The following DDO variants were observed in gnomAD, a reference collection of about 807,000 sequenced individuals.
DDO encodes D-aspartate oxidase, DDO.
In DDO, 16 loss-of-function variants were observed where a neutral mutation model predicts 16.8. The ratio of observed to expected loss-of-function variants is 0.95; its 90% CI spans 0.65 to 1.45. DDO has a LOEUF of 1.45. Ranked by LOEUF, DDO falls within the 40% of genes most tolerant of loss-of-function variation. The probability of loss-of-function intolerance (pLI) is 0.00; values close to 1 mark genes in which losing one functional copy is unlikely to be tolerated. For missense variants in DDO, 429 were observed against 420.3 expected, an observed-to-expected ratio of 1.02 and a Z score of -0.18; for synonymous variants, 180 against 167.2, an observed-to-expected ratio of 1.08 and a Z score of -0.59.
rs58386482 is a variant in DDO at position 110,412,434 on chromosome 6, C to A, written c.172+857G>T. On this transcript the variant is annotated intron_variant, in intron 2 of 4. Transcript: ENST00000368924. The stretch of plus-strand genomic sequence containing the variant: ...TACTGTTATCAGTGGAAAGACAGAG[C>A]CGCCAATCATGTAGTTGTCAGTACT... 7.4e-4 allele frequency among the ~76,000 whole-genome samples: 113 copies of A among 152,312 alleles called. No individual in the cohort carries two copies. The East Asian group carries it at 0.017, about 22-fold the overall frequency.
intron 4 of DDO, among the ~76,000 whole-genome samples, chr6:110,394,081 T>C (rs1314348894): frequency 6.6e-6 from 1 of 152,054 alleles, no homozygotes; most frequent in African/African-American, 2.4e-5. Flanking sequence ...GCCATCACCA[T>C]CCATATGCAC....
chr6:110,400,351 G>GGA (rs1289385852), intron 4 of DDO, among the ~76,000 whole-genome samples: 2 of 148,836 alleles, frequency 1.3e-5, no homozygotes, highest in African/African-American at 4.9e-5. Flanking sequence ...GCCGGGGCGG[G>GGA]GACTGGCGCC....
At chr6:110,402,789 T>C (rs1190494550) in intron 4 of DDO, among the ~76,000 whole-genome samples, 1 of 152,180 alleles carries the variant, frequency 6.6e-6, no homozygotes, top group Non-Finnish European at 1.5e-5. Context: ...TCTGTGTCCA[T>C]TACCATCCCT....
chr6:110,409,294 G>T (rs1038925893), intron 2 of DDO, among the ~76,000 whole-genome samples: 1 of 152,228 alleles, frequency 6.6e-6, no homozygotes, highest in Non-Finnish European at 1.5e-5. Flanking sequence ...GACAAATCCA[G>T]CTGTGGTTGA....
chr6:110,409,196 G>C (rs542721209), intron 2 of DDO, among the ~76,000 whole-genome samples: 2 of 152,346 alleles, frequency 1.3e-5, no homozygotes, highest in African/African-American at 4.8e-5. Context: ...TGCCAGGCCT[G>C]TTGGGGAGGA....
At position 110,392,924 on chromosome 6, in the gene DDO, G is replaced by C. The variant is rs142527860; in HGVS notation, c.877C>G (p.Arg293Gly). The C allele has an allele frequency of 7.2e-5, 117 of 1,614,212 alleles. No homozygotes were observed. The African/African-American group carries it at 1.4e-3, about 19-fold the overall frequency. The change falls in exon 5 of 5, where the codon CGA becomes GGA. Residue 293 changes from arginine to glycine, a missense_variant. Transcript: ENST00000368924. Reference sequence around the variant, plus strand: ...ACTACAGGCAGCCTCTGTCCATCTCGCGCAAGGAGCTCTGTCTGCAGTCGC... The same window carrying C: ...ACTACAGGCAGCCTCTGTCCATCTCCCGCAAGGAGCTCTGTCTGCAGTCGC... ...GVRLQTELLA[R>G]DGQRLPVVHH...
At chr6:110,403,157 T>C (rs1773536484) in intron 4 of DDO, among the ~76,000 whole-genome samples, 1 of 152,266 alleles carries the variant, frequency 6.6e-6, no homozygotes, top group South Asian at 2.1e-4. Context: ...ATGCATTGTA[T>C]TGAAAGGAAA....
chr6:110,392,257 T>A lies in DDO; in HGVS notation c.*518A>T, dbSNP rs113389133. ...AACCTAAGAAGATCACAGGCAGCTC[T>A]GCAATTGACAGTGATTTAAATGTTT... On this transcript the variant is annotated 3_prime_UTR_variant, in exon 5 of 5. Transcript: ENST00000368924. 1.1e-3 allele frequency: 1,079 copies of A among 985,540 alleles called. 13 individuals are homozygous for A. In the African/African-American group the frequency reaches 0.018, roughly 16 times the overall value. 61.0% of individuals were successfully genotyped at this position (985,540 alleles called of 1,614,324 possible). A position where few individuals can be genotyped will look rare whatever the true frequency, so the allele number is the denominator to read the frequency against.
rs1330045455 is a variant in DDO at position 110,404,827 on chromosome 6, A to G, written c.405T>C (p.Ala135=). The G allele has an allele frequency of 1.2e-6, 2 of 1,614,206 alleles. No individual in the cohort carries two copies. The change falls in exon 4 of 5, where the codon GCT becomes GCC. Residue 135 remains alanine, a synonymous_variant. Coordinates refer to ENST00000368924, the MANE Select transcript of DDO (RefSeq NM_001372108.2). ...GGCATTCACATTTCAGGGTTGTAAA[A>G]GCCTGACCAAACACATACTGGGGGA... The part of the protein sequence containing the change: ...KKFPQYVFGQ[A]FTTLKCECPA...
intron 2 of DDO, among the ~76,000 whole-genome samples, chr6:110,409,328 T>C (rs938216396): frequency 5.9e-5 from 9 of 152,084 alleles, no homozygotes; most frequent in African/African-American, 1.9e-4. Context: ...CTGATTCCTG[T>C]AGAAGGATCA....
At chr6:110,412,677 TGA>T (rs1347999100) in intron 2 of DDO, among the ~76,000 whole-genome samples, 8 of 152,244 alleles carry the variant, frequency 5.3e-5, no homozygotes, top group African/African-American at 1.9e-4. Context: ...ACAATCAGGA[TGA>T]CAGCTGCTCC....
chr6:110,406,222 C>T (rs965192633), intron 3 of DDO, among the ~76,000 whole-genome samples: 4 of 152,124 alleles, frequency 2.6e-5, no homozygotes, highest in Admixed American at 6.5e-5. Flanking sequence ...CAGATCCGGA[C>T]CCATGTTACC....
intron 4 of DDO, among the ~76,000 whole-genome samples, chr6:110,397,056 C>T (rs1032720486): frequency 2.0e-5 from 3 of 152,238 alleles, no homozygotes; most frequent in South Asian, 2.1e-4. Context: ...CATATGACCT[C>T]GGCCAAGTTA....
At chr6:110,413,184 C>CAT in intron 2 of DDO, 107 bp downstream of exon 2, 1 of 1,274,694 alleles carries the variant, frequency 7.8e-7, no homozygotes. Context: ...AAAAAACCTG[C>CAT]ATATTACACT....
intron 3 of DDO, among the ~76,000 whole-genome samples, chr6:110,407,400 C>T (rs1773694728): frequency 6.6e-6 from 1 of 152,094 alleles, no homozygotes; most frequent in South Asian, 2.1e-4. Context: ...CTGACATCAG[C>T]ATCATCTTGG....
downstream of DDO, among the ~76,000 whole-genome samples, chr6:110,390,952 T>C (rs1054573102): frequency 2.0e-5 from 3 of 152,196 alleles, no homozygotes; most frequent in African/African-American, 7.2e-5. Flanking sequence ...TCTATATACC[T>C]GGTATCCATC....
intron 4 of DDO, 139 bp downstream of exon 4, chr6:110,404,635 T>C: frequency 1.3e-6 from 1 of 794,720 alleles, no homozygotes; most frequent in Non-Finnish European, 2.0e-6. Flanking sequence ...TACAAAGCCC[T>C]AGCCATTTGT....
At chr6:110,390,167 C>G (rs1489415489), downstream of DDO, among the ~76,000 whole-genome samples, 1 of 152,178 alleles carries the variant, frequency 6.6e-6, no homozygotes, top group Non-Finnish European at 1.5e-5. Flanking sequence ...CTCGATGCCC[C>G]AAGATGGCGA....
Position 110,404,927 on chromosome 6 carries a change from G to A in DDO, c.305C>T (p.Pro102Leu), listed in dbSNP as rs775410803. Residue 102 changes from proline (P) to leucine (L), a missense_variant, in exon 4 of 5, where the codon CCG becomes CTG. Pro to Leu is a moderately conservative substitution (Grantham distance 98, BLOSUM62 -3). Transcript: ENST00000368924. ...AGCCCAGAATGGCACTTCTTCAGTC[G>A]GAGTGCTCTGAAATATCTGCCAACT... ...VSGWQIFQST[P>L]TEEVPFWADV... is the part of the protein sequence containing the mutation. 25 of 1,614,146 alleles carry A rather than the reference G, an allele frequency of 1.5e-5. No homozygotes were observed. Among genetic ancestry groups the A allele is most frequent in the African/African-American group, 5.3e-5 (4 of 75,036 alleles).
Sources: allele counts gnomAD v4.1 joint callset (sites outside exome capture counted in the v4.1 genomes callset), GRCh38; gene constraint gnomAD v4.1.1; transcripts MANE v1.5; gene names NCBI Gene and HGNC (gene_info 2026-07-23, HGNC 2026-07-21).